The following SETD2 variants were observed in gnomAD, a reference collection of about 807,000 sequenced individuals.
SETD2 encodes the protein histone-lysine N-methyltransferase SETD2.
In SETD2, 31 loss-of-function variants were observed where a neutral mutation model predicts 242.1. That is an observed-to-expected ratio of 0.13 (90% CI 0.10 to 0.17). The LOEUF is 0.17. Among genes scored for constraint, SETD2 ranks in the 10% least tolerant of loss-of-function variants. The probability of loss-of-function intolerance (pLI) is 1.00; values close to 1 mark genes in which losing one functional copy is unlikely to be tolerated. For missense variants in SETD2, 2,481 were observed against 3,046.3 expected (o/e 0.81, Z 4.37); for synonymous variants, 1,006 against 1,066.5 (o/e 0.94, Z 1.11).
intron 18 of SETD2, among the ~76,000 whole-genome samples, chr3:47,031,816 T>G (rs1333613628): frequency 1.3e-5 from 2 of 152,206 alleles, no homozygotes; most frequent in African/African-American, 4.8e-5. Flanking sequence ...TATTAGAAAT[T>G]AAGTTAAACT....
At chr3:47,067,599 G>GATAAAA (rs2040617828) in intron 12 of SETD2, among the ~76,000 whole-genome samples, 1 of 151,814 alleles carries the variant, frequency 6.6e-6, no homozygotes, top group Non-Finnish European at 1.5e-5. Context: ...TATTTTTGTA[G>GATAAAA]AGATGGGGTT....
At chr3:47,163,770 G>C (rs2106867599) in intron 1 of SETD2, 84 bp downstream of exon 1, 3 of 1,108,870 alleles carry the variant, frequency 2.7e-6, no homozygotes, top group Non-Finnish European at 3.3e-6. Flanking sequence ...GCGCCGGCCC[G>C]CGCCGCCACC....
At chr3:47,092,037 C>T (rs2041828329) in intron 9 of SETD2, among the ~76,000 whole-genome samples, 1 of 151,986 alleles carries the variant, frequency 6.6e-6, no homozygotes, top group Non-Finnish European at 1.5e-5. Context: ...TACATTCATT[C>T]AATAACATTT....
In SETD2 at chr3:47,123,095, A is replaced by G; in HGVS notation, c.1541T>C (p.Leu514Pro). The G allele has an allele frequency of 6.2e-7, 1 of 1,613,446 alleles. No homozygotes were observed. ...TGAAGTCCTTTTAGATTCTCTTTCT[A>G]GTTTTGAAGAATACTTGCCTCTTCT... The part of the protein sequence containing the change: ...MERRGKYSSK[L>P]ERESKRTSEN... Residue 514 changes from leucine to proline, a missense_variant, in exon 3 of 21, where the codon CTA becomes CCA. Transcript: ENST00000409792.
At chr3:47,048,843 A>G (rs941109429) in intron 15 of SETD2, among the ~76,000 whole-genome samples, 13 of 151,322 alleles carry the variant, frequency 8.6e-5, no homozygotes, top group African/African-American at 2.9e-4. Context: ...AATTTTTTTT[A>G]TTTTAGCAGA....
At chr3:47,067,369 T>C (rs2040601706) in intron 12 of SETD2, among the ~76,000 whole-genome samples, 1 of 148,580 alleles carries the variant, frequency 6.7e-6, no homozygotes, top group Admixed American at 6.7e-5. Flanking sequence ...CAAAGCAGCA[T>C]ACTAAATGAC....
chr3:47,077,469 T>A (rs2041137595), intron 12 of SETD2, among the ~76,000 whole-genome samples: 1 of 152,078 alleles, frequency 6.6e-6, no homozygotes. Context: ...AAAAGAAGAA[T>A]GAACAACTGA....
chr3:47,141,691 C>G (rs555398213), intron 1 of SETD2, among the ~76,000 whole-genome samples: 1 of 152,092 alleles, frequency 6.6e-6, no homozygotes, highest in Non-Finnish European at 1.5e-5. Context: ...GTGTGGGCTG[C>G]TTTCTATTTT....
At chr3:47,062,638 A>G (rs2040388342) in intron 13 of SETD2, among the ~76,000 whole-genome samples, 1 of 152,218 alleles carries the variant, frequency 6.6e-6, no homozygotes, top group African/African-American at 2.4e-5. Flanking sequence ...GAGCACATGC[A>G]TGCAAGATAT....
chr3:47,088,290 A>AT, intron 9 of SETD2, 43 bp from the exon 10 acceptor site: 1 of 1,504,754 alleles, frequency 6.6e-7, no homozygotes. Context: ...AACAACAACA[A>AT]CAAAAAAAAA....
At chr3:47,068,653 T>G (rs190411497) in intron 12 of SETD2, among the ~76,000 whole-genome samples, 1 of 152,046 alleles carries the variant, frequency 6.6e-6, no homozygotes, top group Admixed American at 6.6e-5. Flanking sequence ...CACACCACCA[T>G]GCCCAGCTAA....
chr3:47,094,312 G>A (rs2041922457), intron 9 of SETD2, among the ~76,000 whole-genome samples: 1 of 152,190 alleles, frequency 6.6e-6, no homozygotes, highest in African/African-American at 2.4e-5. Context: ...TCCTGGAAGA[G>A]CTTATAGTTT....
chr3:47,051,282 T>C (rs2039833904), intron 15 of SETD2, among the ~76,000 whole-genome samples: 3 of 152,096 alleles, frequency 2.0e-5, no homozygotes, highest in African/African-American at 7.2e-5. Context: ...TTTTTGTATT[T>C]TTTGTAAAGA....
intron 5 of SETD2, among the ~76,000 whole-genome samples, 162 bp downstream of exon 5, chr3:47,113,714 C>CTGTA (rs1269777920): frequency 9.2e-5 from 14 of 152,090 alleles, no homozygotes; most frequent in African/African-American, 3.4e-4. Context: ...TGGCATGAGC[C>CTGTA]TGTAGTTCCA....
At chr3:47,106,198 G>T in intron 5 of SETD2, 78 bp from the exon 6 acceptor site, 1 of 1,303,226 alleles carries the variant, frequency 7.7e-7, no homozygotes, top group East Asian at 2.4e-5. Flanking sequence ...GCAAAAATAA[G>T]GAATTTAAAT....
In SETD2 at chr3:47,122,664, C is replaced by T; in HGVS notation, c.1972G>A (p.Val658Met). The change falls in exon 3 of 21, where the codon GTG (valine) becomes ATG (methionine). Residue 658 changes from valine (V) to methionine (M), a missense_variant. Physicochemically the swap from Val to Met is conservative, Grantham distance 21 (BLOSUM62 1). Transcript: ENST00000409792. ...AAACTTCTTAATTGATCATTCTTCA[C>T]TTTAGATAAAGAGTCTAATTCCTTA... ...SIKELDSLSK[V>M]KNDQLRSFCP... 6.2e-7 allele frequency: 1 copy of T among 1,613,404 alleles called. No individual in the cohort carries two copies. The highest frequency in any genetic ancestry group is 8.5e-7 in the Non-Finnish European group (1 of 1,179,500).
At chr3:47,073,553 G>A (rs957608237) in intron 12 of SETD2, among the ~76,000 whole-genome samples, 9 of 152,012 alleles carry the variant, frequency 5.9e-5, no homozygotes, top group African/African-American at 1.9e-4. Context: ...GAGTGAGAGG[G>A]AGAAGAGGAA....
chr3:47,033,815 C>T (rs1032361428), intron 18 of SETD2, among the ~76,000 whole-genome samples: 1 of 152,078 alleles, frequency 6.6e-6, no homozygotes, highest in Non-Finnish European at 1.5e-5. Context: ...TGTGCTCAGG[C>T]ATGTGCCACC....
chr3:47,145,538 T>C (rs1377510229), intron 1 of SETD2: 3 of 418,812 alleles, frequency 7.2e-6, no homozygotes, highest in East Asian at 1.5e-4. Flanking sequence ...TACAGGTGCA[T>C]GCCACCATGC....
Sources: allele counts gnomAD v4.1 joint callset (sites outside exome capture counted in the v4.1 genomes callset), GRCh38; gene constraint gnomAD v4.1.1; transcripts MANE v1.5; gene names NCBI Gene and HGNC (gene_info 2026-07-23, HGNC 2026-07-21).